The following TMED6 variants were observed in gnomAD, a reference collection of about 807,000 sequenced individuals.
TMED6 encodes the protein transmembrane emp24 domain-containing protein 6.
TMED6 carries 17 observed loss-of-function variants against 26.5 expected under a neutral mutation model. The observed-to-expected ratio is 0.64, with a 90% CI of 0.44 to 0.96. TMED6 has a LOEUF of 0.96. Among genes scored for constraint, TMED6 ranks in the 40% least tolerant of loss-of-function variants. The pLI, the probability that TMED6 is intolerant of heterozygous loss-of-function variation, is 0.00. For synonymous variants in TMED6, 107 were observed against 106.2 expected (o/e 1.01, Z -0.04); for missense variants, 309 against 296.5 (o/e 1.04, Z -0.31).
intron 3 of TMED6, among the ~76,000 whole-genome samples, chr16:69,345,158 T>G (rs2012663683): frequency 6.6e-6 from 1 of 151,982 alleles, no homozygotes; most frequent in Non-Finnish European, 1.5e-5. Context: ...ACGCCTGTAG[T>G]CCCAGCTACT....
intron 3 of TMED6, among the ~76,000 whole-genome samples, chr16:69,345,393 GAC>G (rs201865968): frequency 0.012 from 1,768 of 152,056 alleles, 39 homozygotes; most frequent in African/African-American, 0.04. Flanking sequence ...ACAATAAAAA[GAC>G]AATTCAGGCA....
intron 3 of TMED6, among the ~76,000 whole-genome samples, chr16:69,345,387 T>A (rs1567436920): frequency 6.6e-6 from 1 of 151,314 alleles, no homozygotes; most frequent in Non-Finnish European, 1.5e-5. Context: ...AATTCAACAA[T>A]AAAAAGACAA....
intron 1 of TMED6, among the ~76,000 whole-genome samples, chr16:69,349,884 C>A (rs768482548): frequency 1.4e-4 from 21 of 152,164 alleles, no homozygotes; most frequent in Admixed American, 3.9e-4. Context: ...AGAAACAGTA[C>A]AGCAGGACAA....
chr16:69,344,071 G>A (rs2012638886), intron 3 of TMED6, among the ~76,000 whole-genome samples: 1 of 151,880 alleles, frequency 6.6e-6, no homozygotes, highest in African/African-American at 2.4e-5. Context: ...GGGCTCAAGA[G>A]ATCCACCCAC....
intron 2 of TMED6, 75 bp from the exon 3 acceptor site, chr16:69,348,011 C>G: frequency 6.6e-7 from 1 of 1,512,190 alleles, no homozygotes; most frequent in South Asian, 1.3e-5. Flanking sequence ...AGGTATCTGT[C>G]CTCTAGTTTT....
At chr16:69,344,446 T>C (rs1425461042) in intron 3 of TMED6, among the ~76,000 whole-genome samples, 1 of 152,174 alleles carries the variant, frequency 6.6e-6, no homozygotes, top group African/African-American at 2.4e-5. Flanking sequence ...AAACAGGCAG[T>C]GAGCTTTTGT....
chr16:69,345,678 CAAAAAAAAAA>C (rs34468905), intron 3 of TMED6, among the ~76,000 whole-genome samples: 524 of 43,444 alleles, frequency 0.012, 7 homozygotes, highest in African/African-American at 0.038. Context: ...CTGACTCTCT[CAAAAAAAAAA>C]AAAAAAAAAA....
intron 3 of TMED6, among the ~76,000 whole-genome samples, chr16:69,345,493 C>T (rs1293980509): frequency 8.6e-5 from 13 of 151,698 alleles, no homozygotes; most frequent in African/African-American, 2.9e-4. Context: ...ACCAGCCTGA[C>T]CAACATGGTG....
chr16:69,343,704 C>T (rs2012628903), intron 3 of TMED6, 64 bp from the exon 4 acceptor site: 9 of 1,308,266 alleles, frequency 6.9e-6, no homozygotes, highest in Non-Finnish European at 8.8e-6. Context: ...CCTGAGCGCT[C>T]ACTAGCACTA....
intron 3 of TMED6, among the ~76,000 whole-genome samples, chr16:69,345,624 A>C (rs892860312): frequency 2.2e-5 from 3 of 139,324 alleles, no homozygotes; most frequent in Non-Finnish European, 4.6e-5. Flanking sequence ...CAAAGGTTGC[A>C]GTGAGCCGAG....
intron 3 of TMED6, among the ~76,000 whole-genome samples, chr16:69,345,678 C>CAAA (rs34468905): frequency 3.0e-4 from 13 of 43,410 alleles, no homozygotes; most frequent in African/African-American, 4.9e-4. Flanking sequence ...CTGACTCTCT[C>CAAA]AAAAAAAAAA....
At chr16:69,351,350 A>T (rs2142685839) in intron 1 of TMED6, among the ~76,000 whole-genome samples, 191 bp downstream of exon 1, 1 of 152,198 alleles carries the variant, frequency 6.6e-6, no homozygotes, top group South Asian at 2.1e-4. Flanking sequence ...GCCAAACCAT[A>T]TGTTTTAGCT....
In TMED6 at chr16:69,347,882, A is replaced by T; in HGVS notation, c.395T>A (p.Val132Glu). ...NQHNHFGSVQ[V>E]YLNFGVFYEG... ...ATAGAAGACCCCAAAGTTGAGGTAC[A>T]CTTGCACAGAACCGAAGTGATTATG... Residue 132 changes from valine to glutamate, a missense_variant, in exon 3 of 4, where the codon GTG becomes GAG. Coordinates refer to ENST00000288025, the MANE Select transcript of TMED6 (RefSeq NM_144676.4). The T allele has an allele frequency of 6.2e-7, 1 of 1,614,178 alleles. No individual in the cohort carries two copies. Among genetic ancestry groups the T allele is most frequent in the Non-Finnish European group, 8.5e-7 (1 of 1,180,026 alleles).
chr16:69,348,345 A>G (rs1453950502), intron 2 of TMED6: 1 of 173,588 alleles, frequency 5.8e-6, no homozygotes, highest in Non-Finnish European at 1.2e-5. Flanking sequence ...AAAAAAAAAT[A>G]GATGCATAGT....
chr16:69,350,149 A>G (rs57493778), intron 1 of TMED6, among the ~76,000 whole-genome samples: 1 of 151,304 alleles, frequency 6.6e-6, no homozygotes, highest in East Asian at 2.0e-4. Context: ...GCGTGCGCCT[A>G]TAATCCCAGC....
chr16:69,347,596 G>A (rs1248049803), intron 3 of TMED6, among the ~76,000 whole-genome samples, 192 bp downstream of exon 3: 8 of 152,152 alleles, frequency 5.3e-5, no homozygotes, highest in Admixed American at 5.2e-4. Context: ...CTGACCTCAG[G>A]TGATCCACCC....
Position 69,343,509 on chromosome 16 carries a change from G to A in TMED6, c.621C>T (p.Ala207=). 1.2e-6 allele frequency: 2 copies of A among 1,614,066 alleles called. No homozygotes were observed. Among genetic ancestry groups the A allele is most frequent in the Non-Finnish European group, 1.7e-6 (2 of 1,180,018 alleles). The change falls in exon 4 of 4, where the codon GCC becomes GCT. Residue 207 remains alanine (A), a synonymous_variant. Transcript: ENST00000288025. The part of the protein sequence containing the change: ...NYNYVNWWST[A]QSLVIILSGI... ...CAGAAAGAATAATAACAAGGCTCTG[G>A]GCTGTCGACCACCAGTTCACGTAGT... is the stretch of plus-strand genomic sequence containing the variant.
At chr16:69,347,650 G>A (rs934684558) in intron 3 of TMED6, 138 bp downstream of exon 3, 60 of 1,284,314 alleles carry the variant, frequency 4.7e-5, no homozygotes, top group Non-Finnish European at 5.9e-5. Context: ...GTGAGCCACC[G>A]TGCCCAGCCA....
intron 3 of TMED6, among the ~76,000 whole-genome samples, chr16:69,344,548 G>C (rs984263652): frequency 1.0e-4 from 15 of 150,606 alleles, no homozygotes; most frequent in Non-Finnish European, 1.5e-4. Context: ...CGAGACGGGC[G>C]GATTACCTGA....
Sources: gnomAD v4.1 joint callset for allele counts (sites outside exome capture counted in the v4.1 genomes callset) on GRCh38, gnomAD v4.1.1 for gene constraint, MANE v1.5 for transcripts, NCBI Gene and HGNC (gene_info 2026-07-23, HGNC 2026-07-21) for gene names.